LRRFIP2: variants seen among roughly 807,000 people sequenced by gnomAD.
LRRFIP2 encodes the protein LRR binding FLII interacting protein 2, also known as leucine-rich repeat flightless-interacting protein 2.
In LRRFIP2, 109 loss-of-function variants were observed where a neutral mutation model predicts 125.9. That is an observed-to-expected ratio of 0.87 (90% CI 0.74 to 1.01). LRRFIP2 has a LOEUF of 1.01. Ranked by LOEUF, LRRFIP2 falls within the 50% of genes least tolerant of loss-of-function variation. LRRFIP2 has a pLI of 0.00. For missense variants in LRRFIP2, 850 were observed against 862.3 expected (o/e 0.99, Z 0.18); for synonymous variants, 291 against 293.1 (o/e 0.99, Z 0.07).
rs1343623131 is a variant in LRRFIP2, at chr3:37,121,617, G to GTA, written c.285+16_285+17dup. 3 of 1,613,966 alleles carry GTA rather than the reference G, an allele frequency of 1.9e-6. No homozygotes were observed. The highest frequency in any genetic ancestry group is 2.5e-6 in the Non-Finnish European group (3 of 1,179,824). ...ATGAGGAAAAGTATTAGAGGCAAGT[G>GTA]TATAGGTTATTACAAACCAGATAAG... On this transcript the variant is annotated intron_variant, in intron 5 of 27. Transcript: ENST00000336686.
chr3:37,143,277 T>C (rs1425471172), intron 2 of LRRFIP2, among the ~76,000 whole-genome samples: 1 of 152,188 alleles, frequency 6.6e-6, no homozygotes, highest in African/African-American at 2.4e-5. Context: ...GAAACCTAAA[T>C]ACGTTTTCTT....
intron 6 of LRRFIP2, among the ~76,000 whole-genome samples, chr3:37,115,555 C>A (rs2094742535): frequency 6.6e-6 from 1 of 152,200 alleles, no homozygotes. Context: ...CAAGCATGGT[C>A]AAGCTTACAA....
rs2088434175 is a variant in LRRFIP2, at chr3:37,060,869, A to G, written c.1750-1959T>C. ...GCAATTTCAATGTACATCTAAGTAG[A>G]GGATCTCCCTTACAAATGATCTCTC... On this transcript the variant is annotated intron_variant, in intron 24 of 27. Transcript: ENST00000336686. This position sits in a 1 kb window ranked among gnomAD's most constrained non-coding sequence, Gnocchi z 4.1. Among the ~76,000 whole-genome samples, 1 of 152,132 alleles carries G rather than the reference A, an allele frequency of 6.6e-6. No homozygotes were observed. The highest frequency in any genetic ancestry group is 1.5e-5 in the Non-Finnish European group (1 of 68,014).
chr3:37,124,108 C>T (rs919691434), intron 4 of LRRFIP2, among the ~76,000 whole-genome samples: 4 of 152,162 alleles, frequency 2.6e-5, no homozygotes, highest in Admixed American at 1.3e-4. Flanking sequence ...CTGTCCAATA[C>T]AACTTTCTCT....
chr3:37,069,797 T>C lies in LRRFIP2; in HGVS notation c.1464+2993A>G, dbSNP rs114122641. On this transcript the variant is annotated intron_variant, in intron 21 of 27. Transcript: ENST00000336686. Reference sequence around the variant, plus strand: ...ACTTGGAAGAATCTTGAGGGACTTATACAGAGTGAAAAGGGATAATTCCAA... The same window carrying C: ...ACTTGGAAGAATCTTGAGGGACTTACACAGAGTGAAAAGGGATAATTCCAA... Among the ~76,000 whole-genome samples the C allele has an allele frequency of 4.9e-3, 754 of 152,350 alleles. 7 individuals are homozygous for C. Among genetic ancestry groups the C allele is most frequent in the African/African-American group, 0.017 (717 of 41,570 alleles).
At chr3:37,132,466 AG>A (rs2095451271) in intron 2 of LRRFIP2, among the ~76,000 whole-genome samples, 1 of 152,242 alleles carries the variant, frequency 6.6e-6, no homozygotes, top group South Asian at 2.1e-4. Flanking sequence ...CAAAAAGGAA[AG>A]GAACAGAAAG....
intron 16 of LRRFIP2, among the ~76,000 whole-genome samples, chr3:37,095,835 C>T (rs888917534): frequency 2.0e-5 from 3 of 152,158 alleles, no homozygotes; most frequent in African/African-American, 4.8e-5. Flanking sequence ...TTAGCAGAGA[C>T]AGGGTTTTAC....
intron 2 of LRRFIP2, chr3:37,134,834 C>T: frequency 2.1e-6 from 2 of 974,528 alleles, no homozygotes; most frequent in South Asian, 2.5e-5. Context: ...TTCCTACAGA[C>T]TGCTCCTTCA....
intron 19 of LRRFIP2, among the ~76,000 whole-genome samples, chr3:37,078,238 C>G (rs949188669): frequency 6.6e-6 from 1 of 152,038 alleles, no homozygotes; most frequent in Non-Finnish European, 1.5e-5. Context: ...GTGAACCTAA[C>G]TATACATCCA....
Position 37,094,916 on chromosome 3 carries a change from G to C in LRRFIP2, c.919-8C>G. The C allele has an allele frequency of 6.7e-7, 1 of 1,484,376 alleles. No individual in the cohort carries two copies. The highest frequency in any genetic ancestry group is 1.4e-5 in the African/African-American group (1 of 72,516). 92.0% of individuals were successfully genotyped at this position (1,484,376 alleles called of 1,614,324 possible). On this transcript the variant is annotated splice_region_variant and splice_polypyrimidine_tract_variant and intron_variant, in intron 16 of 27. Transcript: ENST00000336686. ...AGAATTTCGAGATGAAGGCTAGAAA[G>C]AGAAATATGACCCTTCTAAGTCTCA...
intron 2 of LRRFIP2, among the ~76,000 whole-genome samples, chr3:37,145,969 T>C (rs1401475692): frequency 4.6e-5 from 7 of 152,218 alleles, no homozygotes; most frequent in African/African-American, 9.6e-5. Context: ...AATGAATTAA[T>C]GCATGTAAAA....
intron 2 of LRRFIP2, among the ~76,000 whole-genome samples, chr3:37,146,715 C>T (rs558101097): frequency 1.2e-4 from 18 of 152,274 alleles, no homozygotes; most frequent in African/African-American, 4.3e-4. Context: ...CAGTCTATCA[C>T]TGATGGGCAT....
intron 19 of LRRFIP2, among the ~76,000 whole-genome samples, chr3:37,083,285 T>C (rs1395228981): frequency 2.0e-5 from 3 of 152,118 alleles, no homozygotes; most frequent in East Asian, 1.9e-4. Flanking sequence ...AATCATCCTA[T>C]TGAGAGTCTT....
At chr3:37,078,853 G>A (rs2092370432) in intron 19 of LRRFIP2, among the ~76,000 whole-genome samples, 1 of 152,074 alleles carries the variant, frequency 6.6e-6, no homozygotes, top group South Asian at 2.1e-4. Context: ...AAGTACTTGA[G>A]AATCAACCTC....
chr3:37,173,409 T>TA (rs1402416121), intron 1 of LRRFIP2, among the ~76,000 whole-genome samples: 1 of 152,124 alleles, frequency 6.6e-6, no homozygotes, highest in Non-Finnish European at 1.5e-5. Context: ...AGACTGGTCT[T>TA]AAACTCCTGG....
intron 2 of LRRFIP2, among the ~76,000 whole-genome samples, chr3:37,144,132 G>A (rs1368288901): frequency 1.3e-5 from 2 of 152,210 alleles, no homozygotes; most frequent in African/African-American, 4.8e-5. Flanking sequence ...CAGTGGTGGT[G>A]AGACACGGCC....
At chr3:37,139,623 AG>A (rs1246307064) in intron 2 of LRRFIP2, among the ~76,000 whole-genome samples, 2 of 152,034 alleles carry the variant, frequency 1.3e-5, no homozygotes, top group Non-Finnish European at 2.9e-5. Flanking sequence ...TGTTGTTGAA[AG>A]TCAAACCCTC....
chr3:37,088,107 A>G (rs2093193909), intron 18 of LRRFIP2, among the ~76,000 whole-genome samples: 1 of 152,240 alleles, frequency 6.6e-6, no homozygotes, highest in African/African-American at 2.4e-5. Flanking sequence ...ATGTTTAAGC[A>G]TTGATTACCT....
At chr3:37,144,630 T>C (rs2095810714) in intron 2 of LRRFIP2, among the ~76,000 whole-genome samples, 1 of 152,072 alleles carries the variant, frequency 6.6e-6, no homozygotes, top group African/African-American at 2.4e-5. Context: ...TCAAATGACT[T>C]TAAAAGAAGA....
Sources: allele counts gnomAD v4.1 joint callset (sites outside exome capture counted in the v4.1 genomes callset), GRCh38; gene constraint gnomAD v4.1.1; non-coding constraint Gnocchi (gnomAD v3.1); transcripts MANE v1.5; gene names NCBI Gene and HGNC (gene_info 2026-07-23, HGNC 2026-07-21).